RNF121: variants seen among roughly 807,000 people sequenced by gnomAD.
The protein encoded by RNF121 is E3 ubiquitin ligase RNF121.
Under a neutral mutation model 46.5 loss-of-function variants are expected in RNF121, and 21 were observed. The observed-to-expected ratio is 0.45, with a 90% CI of 0.32 to 0.65. RNF121 has a LOEUF of 0.65. Ranked by LOEUF, RNF121 falls within the 30% of genes least tolerant of loss-of-function variation. RNF121 has a pLI of 0.04. For synonymous variants in RNF121, 139 were observed against 144.7 expected, an observed-to-expected ratio of 0.96 and a Z score of 0.28; for missense variants, 346 against 416.0, an observed-to-expected ratio of 0.83 and a Z score of 1.46.
intron 3 of RNF121, among the ~76,000 whole-genome samples, chr11:71,961,294 C>T (rs774308975): frequency 2.3e-4 from 35 of 152,194 alleles, no homozygotes; most frequent in Non-Finnish European, 3.5e-4. Context: ...GGTGTGGTGG[C>T]TCATGTTTGT....
At chr11:71,979,241 C>T (rs74847531) in intron 3 of RNF121, among the ~76,000 whole-genome samples, 4,934 of 152,234 alleles carry the variant, frequency 0.032, 77 homozygotes, top group East Asian at 0.078. Context: ...AAAATCAAGC[C>T]AATCCCTTCC....
At chr11:71,938,267 C>T (rs1051981317) in intron 1 of RNF121, among the ~76,000 whole-genome samples, 1 of 149,252 alleles carries the variant, frequency 6.7e-6, no homozygotes, top group Non-Finnish European at 1.5e-5. Context: ...TTAGTGCGTA[C>T]TATGTGCCAG....
At chr11:71,981,143 G>A (rs1248960079) in intron 3 of RNF121, among the ~76,000 whole-genome samples, 2 of 151,916 alleles carry the variant, frequency 1.3e-5, no homozygotes, top group East Asian at 3.9e-4. Context: ...CCACCTCTTG[G>A]GTTCACACCA....
intron 1 of RNF121, among the ~76,000 whole-genome samples, chr11:71,945,029 C>T (rs1184330491): frequency 1.3e-5 from 2 of 151,908 alleles, no homozygotes; most frequent in African/African-American, 2.4e-5. Context: ...CTTCTGTCAC[C>T]CAGGCTGGAG....
intron 6 of RNF121, 40 bp from the exon 7 acceptor site, chr11:71,994,679 A>T (rs1954936404): frequency 1.2e-6 from 2 of 1,611,944 alleles, no homozygotes; most frequent in Non-Finnish European, 1.7e-6. Flanking sequence ...GCTGCTTCTC[A>T]CATCTTTTCC....
intron 1 of RNF121, among the ~76,000 whole-genome samples, chr11:71,954,131 C>G (rs754730402): frequency 6.6e-6 from 1 of 152,122 alleles, no homozygotes; most frequent in Non-Finnish European, 1.5e-5. Context: ...GGACAAGGTG[C>G]CTTCAGACTG....
intron 3 of RNF121, among the ~76,000 whole-genome samples, chr11:71,966,848 A>G (rs567504736): frequency 2.8e-5 from 4 of 141,070 alleles, no homozygotes; most frequent in African/African-American, 1.0e-4. Context: ...TTATATTTAA[A>G]TATAATATTT....
At chr11:71,989,944 A>C (rs1954835084) in intron 5 of RNF121, among the ~76,000 whole-genome samples, 1 of 152,210 alleles carries the variant, frequency 6.6e-6, no homozygotes, top group Non-Finnish European at 1.5e-5. Context: ...GGCCAAATCT[A>C]GGATATCATG....
intron 1 of RNF121, among the ~76,000 whole-genome samples, chr11:71,954,811 C>T (rs1953955211): frequency 6.6e-6 from 1 of 152,194 alleles, no homozygotes; most frequent in African/African-American, 2.4e-5. Flanking sequence ...ATGAATACTC[C>T]TTTCCCTGAT....
chr11:71,974,997 A>C (rs893885040), intron 3 of RNF121, among the ~76,000 whole-genome samples: 2 of 152,208 alleles, frequency 1.3e-5, no homozygotes, highest in Admixed American at 1.3e-4. Flanking sequence ...TGCCTGGAAA[A>C]GTATCCATCC....
chr11:71,963,558 T>A (rs571888040), intron 3 of RNF121, among the ~76,000 whole-genome samples: 1 of 152,210 alleles, frequency 6.6e-6, no homozygotes, highest in East Asian at 1.9e-4. Flanking sequence ...AGTTGGAGGT[T>A]GCAATGAGCC....
At chr11:71,978,070 A>T (rs924716812) in intron 3 of RNF121, 2 of 265,900 alleles carry the variant, frequency 7.5e-6, no homozygotes, top group African/African-American at 2.4e-5. Context: ...AATTTTTTGT[A>T]TTTTTTTTTT....
At chr11:71,955,341 C>T (rs749108370) in intron 1 of RNF121, among the ~76,000 whole-genome samples, 43 of 152,092 alleles carry the variant, frequency 2.8e-4, no homozygotes, top group Non-Finnish European at 5.6e-4. Context: ...ACCTGGAGGT[C>T]TTATTAAAAG....
chr11:71,948,538 A>AC, intron 1 of RNF121, among the ~76,000 whole-genome samples: 1 of 149,018 alleles, frequency 6.7e-6, no homozygotes, highest in South Asian at 2.1e-4. Context: ...AAAAAAAAAA[A>AC]AGCTTATCAA....
intron 3 of RNF121, among the ~76,000 whole-genome samples, chr11:71,963,624 A>G (rs183077143): frequency 2.0e-5 from 3 of 151,972 alleles, no homozygotes; most frequent in Non-Finnish European, 2.9e-5. Context: ...TTCCCAAAAA[A>G]AAAAGAGTTT....
At chr11:71,982,641 T>C (rs1954688662) in intron 3 of RNF121, 120 bp from the exon 4 acceptor site, 2 of 1,138,544 alleles carry the variant, frequency 1.8e-6, no homozygotes, top group African/African-American at 1.6e-5. Flanking sequence ...GTTAACTTTA[T>C]CCAAAGTTGT....
chr11:71,942,754 A>C (rs1047212931), intron 1 of RNF121, among the ~76,000 whole-genome samples: 2 of 143,890 alleles, frequency 1.4e-5, no homozygotes, highest in Non-Finnish European at 3.0e-5. Context: ...TGTCTCCAAA[A>C]AAAAAATCTA....
intron 2 of RNF121, 144 bp downstream of exon 2, chr11:71,957,408 A>G (rs1023087494): frequency 9.6e-5 from 68 of 711,210 alleles, no homozygotes; most frequent in Admixed American, 5.5e-4. Flanking sequence ...GGATCTCTCT[A>G]AGTATCTGGG....
intron 1 of RNF121, among the ~76,000 whole-genome samples, chr11:71,948,238 AG>A (rs1203391167): frequency 6.6e-6 from 1 of 152,156 alleles, no homozygotes; most frequent in Non-Finnish European, 1.5e-5. Flanking sequence ...GTTTTTGGCC[AG>A]GTGCGGTGGC....
Sources: allele counts gnomAD v4.1 joint callset (sites outside exome capture counted in the v4.1 genomes callset), GRCh38; gene constraint gnomAD v4.1.1; transcripts MANE v1.5; gene names NCBI Gene and HGNC (gene_info 2026-07-23, HGNC 2026-07-21).